ZNF791: variants seen among roughly 807,000 people sequenced by gnomAD.
ZNF791 encodes the protein zinc finger protein 791.
A neutral mutation model predicts 11.5 loss-of-function variants in ZNF791; 4 were observed. That is an observed-to-expected ratio of 0.35 (90% CI 0.17 to 0.80). The LOEUF (loss-of-function observed/expected upper bound fraction) is 0.80. Ranked by LOEUF, ZNF791 falls within the 30% of genes least tolerant of loss-of-function variation. The pLI is 0.53. For synonymous variants in ZNF791, 212 were observed against 228.1 expected, an observed-to-expected ratio of 0.93 and a Z score of 0.64; for missense variants, 559 against 699.4, an observed-to-expected ratio of 0.80 and a Z score of 2.26.
chr19:12,617,000 TA>T (rs1387003731), intron 1 of ZNF791, among the ~76,000 whole-genome samples: 1 of 152,218 alleles, frequency 6.6e-6, no homozygotes, highest in Non-Finnish European at 1.5e-5. Context: ...GATCCATGTA[TA>T]AATTTTTTGT....
At chr19:12,622,684 G>A (rs2023372661) in intron 1 of ZNF791, among the ~76,000 whole-genome samples, 1 of 151,842 alleles carries the variant, frequency 6.6e-6, no homozygotes, top group Non-Finnish European at 1.5e-5. Flanking sequence ...CACGAGGTCG[G>A]GAGTTCAAGA....
In ZNF791 at chr19:12,627,691, C is replaced by T. The variant is rs369221836; in HGVS notation, c.192-30C>T. The T allele has an allele frequency of 1.9e-5, 29 of 1,519,448 alleles. No homozygotes were observed. In the African/African-American group the frequency reaches 3.9e-4, roughly 20 times the overall value. 94.1% of individuals were successfully genotyped at this position (1,519,448 alleles called of 1,614,324 possible). A position where few individuals can be genotyped will look rare whatever the true frequency, so the allele number is the denominator to read the frequency against. Reference sequence around the variant, plus strand: ...ACATATAAAATCATTAATACACAACCAGTATTACCGTGCTTCTAATTTTTT... The same window carrying T: ...ACATATAAAATCATTAATACACAACTAGTATTACCGTGCTTCTAATTTTTT... On this transcript the variant is annotated intron_variant, in intron 3 of 3. Coordinates refer to ENST00000343325, the MANE Select transcript of ZNF791 (RefSeq NM_153358.3).
chr19:12,623,841 A>ATTTTTTC lies in ZNF791; in HGVS notation c.130+29_130+35dup, dbSNP rs765616603. Reference sequence around the variant, plus strand: ...GGCATCTATAGGTAAGGATGACATCATTTTTTCTTTTTTCTTTTTTTTTTT... The same window carrying ATTTTTTC: ...GGCATCTATAGGTAAGGATGACATCATTTTTTCTTTTTTCTTTTTTCTTTTTTTTTTT... On this transcript the variant is annotated intron_variant, in intron 2 of 3. Coordinates refer to ENST00000343325, the MANE Select transcript of ZNF791 (RefSeq NM_153358.3). The ATTTTTTC allele has an allele frequency of 9.2e-7, 1 of 1,084,078 alleles. No individual in the cohort carries two copies. The highest frequency in any genetic ancestry group is 2.6e-5 in the East Asian group (1 of 39,158). 67.2% of individuals were successfully genotyped at this position (1,084,078 alleles called of 1,614,324 possible). A position where few individuals can be genotyped will look rare whatever the true frequency, so the allele number is the denominator to read the frequency against.
Position 12,633,653 on chromosome 19 carries a change from T to C in ZNF791, c.*4393T>C, listed in dbSNP as rs1017118036. 6.6e-6 allele frequency: 1 copy of C among 152,202 alleles called. No individual in the cohort carries two copies. The highest frequency in any genetic ancestry group is 1.5e-5 in the Non-Finnish European group (1 of 68,050). The allele number at this position is 152,202 out of a possible 1,614,324, so 9.4% of individuals were successfully genotyped here. A position where few individuals can be genotyped will look rare whatever the true frequency, so the allele number is the denominator to read the frequency against. ...GTTTGGATTTTCCTTCTAGCCTTCATGTGTGGCCCAAGCATCTATTTCAGA... is the reference window on the plus strand; with the variant it reads ...GTTTGGATTTTCCTTCTAGCCTTCACGTGTGGCCCAAGCATCTATTTCAGA... On this transcript the variant is annotated 3_prime_UTR_variant, in exon 4 of 4. Transcript: ENST00000343325.
chr19:12,629,333 C>A lies in ZNF791; in HGVS notation c.*73C>A. The A allele has an allele frequency of 8.4e-7, 1 of 1,191,074 alleles. No homozygotes were observed. Among genetic ancestry groups the A allele is most frequent in the Non-Finnish European group, 1.1e-6 (1 of 881,308 alleles). The allele number at this position is 1,191,074 out of a possible 1,614,324, so 73.8% of individuals were successfully genotyped here. A position where few individuals can be genotyped will look rare whatever the true frequency, so the allele number is the denominator to read the frequency against. On this transcript the variant is annotated 3_prime_UTR_variant, in exon 4 of 4. Transcript: ENST00000343325. ...ATGCTTTCAAAGTTGTGAAAATTCC[C>A]ACTGAAGAGAGAAATCCTGTCAATG... is the stretch of plus-strand genomic sequence containing the variant.
In ZNF791 at chr19:12,623,664, A is replaced by G. The variant is rs201301304; in HGVS notation, c.4-36A>G. 78 of 1,612,422 alleles carry G rather than the reference A, an allele frequency of 4.8e-5. 1 individual carries two copies. The highest frequency in any genetic ancestry group is 3.3e-4 in the Middle Eastern group (2 of 6,054). On this transcript the variant is annotated intron_variant, in intron 1 of 3. Coordinates refer to ENST00000343325, the MANE Select transcript of ZNF791 (RefSeq NM_153358.3). ...TTGAGGATACCTCTCATCCTTGTCA[A>G]TCTCACCTATTCTCTACTTATATTG...
At position 12,611,075 on chromosome 19, in the gene ZNF791, G is replaced by A. The variant is rs200545355; in HGVS notation, c.-5G>A. On this transcript the variant is annotated 5_prime_UTR_variant, in exon 1 of 4. Transcript: ENST00000343325. ...ACAACACCGGGACACCCGCGAGGCC[G>A]GAAAATGGTGAGTGTGCAGGGCCGG... 4.3e-6 allele frequency: 7 copies of A among 1,614,146 alleles called. No individual in the cohort carries two copies. In the South Asian group the frequency reaches 6.6e-5, roughly 15 times the overall value.
chr19:12,615,092 T>C (rs1373571266), intron 1 of ZNF791, among the ~76,000 whole-genome samples: 1 of 145,144 alleles, frequency 6.9e-6, no homozygotes, highest in East Asian at 2.1e-4. Flanking sequence ...TGATCATTGC[T>C]CACTGCAGCC....
intron 1 of ZNF791, among the ~76,000 whole-genome samples, chr19:12,614,296 C>T (rs901527034): frequency 6.6e-6 from 1 of 152,030 alleles, no homozygotes. Flanking sequence ...TGCAGTGGCA[C>T]GATCTCGGCT....
At chr19:12,624,305 A>G (rs2023396709) in intron 2 of ZNF791, among the ~76,000 whole-genome samples, 1 of 150,660 alleles carries the variant, frequency 6.6e-6, no homozygotes, top group Non-Finnish European at 1.5e-5. Flanking sequence ...GGTGCCCACC[A>G]CCATGCCCGG....
intron 1 of ZNF791, among the ~76,000 whole-genome samples, chr19:12,622,911 G>GA (rs1468507118): frequency 2.3e-5 from 2 of 88,076 alleles, no homozygotes; most frequent in Non-Finnish European, 2.9e-5. Context: ...AAAAAAAAAA[G>GA]AAAGAAAAAA....
chr19:12,627,888 G>C lies in ZNF791; in HGVS notation c.359G>C (p.Arg120Thr). The change falls in exon 4 of 4, where the codon AGG (arginine) becomes ACG (threonine). Residue 120 changes from arginine (R) to threonine (T), a missense_variant. Coordinates refer to ENST00000343325, the MANE Select transcript of ZNF791 (RefSeq NM_153358.3). ...CTCTCATCCCTTACTAGACACATGAGGTCTCACACTGGATACGAGCTATTT... is the reference window on the plus strand; with the variant it reads ...CTCTCATCCCTTACTAGACACATGACGTCTCACACTGGATACGAGCTATTT... ...MRLSSLTRHM[R>T]SHTGYELFEK... 2 of 1,614,112 alleles carry C rather than the reference G, an allele frequency of 1.2e-6. No individual in the cohort carries two copies. The highest frequency in any genetic ancestry group is 1.7e-6 in the Non-Finnish European group (2 of 1,180,038).
chr19:12,631,916 A>C lies in ZNF791; in HGVS notation c.*2656A>C, dbSNP rs1010351795. The stretch of plus-strand genomic sequence containing the variant: ...GTTTTCTCATTAAATCAGTTAGTAA[A>C]ACTTTTCTCTTTCTCTTGATGTCTT... On this transcript the variant is annotated 3_prime_UTR_variant, in exon 4 of 4. Transcript: ENST00000343325. 6.6e-6 allele frequency: 1 copy of C among 151,924 alleles called. No homozygotes were observed. Among genetic ancestry groups the C allele is most frequent in the African/African-American group, 2.4e-5 (1 of 41,340 alleles). The allele number at this position is 151,924 out of a possible 1,614,324, so 9.4% of individuals were successfully genotyped here.
chr19:12,614,782 TG>T (rs1300580193), intron 1 of ZNF791, among the ~76,000 whole-genome samples: 1 of 150,414 alleles, frequency 6.6e-6, no homozygotes, highest in East Asian at 2.0e-4. Context: ...TTAGTAGAGA[TG>T]GGGTTTCTCC....
rs2023147947 is a variant in ZNF791 at position 12,611,066 on chromosome 19, C to T, written c.-14C>T. ...ACCTTAGGGACAACACCGGGACACC[C>T]GCGAGGCCGGAAAATGGTGAGTGTG... On this transcript the variant is annotated 5_prime_UTR_variant, in exon 1 of 4. Transcript: ENST00000343325. The T allele has an allele frequency of 1.9e-6, 3 of 1,614,016 alleles. No homozygotes were observed. Among genetic ancestry groups the T allele is most frequent in the African/African-American group, 1.3e-5 (1 of 74,932 alleles).
Position 12,610,969 on chromosome 19 carries a change from T to C in ZNF791, c.-111T>C. The C allele has an allele frequency of 6.9e-7, 1 of 1,451,200 alleles. No individual in the cohort carries two copies. The highest frequency in any genetic ancestry group is 9.7e-7 in the Non-Finnish European group (1 of 1,035,150). 89.9% of individuals were successfully genotyped at this position (1,451,200 alleles called of 1,614,324 possible). On this transcript the variant is annotated 5_prime_UTR_variant, in exon 1 of 4. Coordinates refer to ENST00000343325, the MANE Select transcript of ZNF791 (RefSeq NM_153358.3). ...ATCGGGTTGTGCTTAGCTTGGGGTC[T>C]CCTGGCCCCTTGACGCGTCAGGTTG...
At chr19:12,614,261 TCTCA>T (rs769749295) in intron 1 of ZNF791, among the ~76,000 whole-genome samples, 1 of 152,046 alleles carries the variant, frequency 6.6e-6, no homozygotes, top group East Asian at 1.9e-4. Context: ...TGAGACCGAG[TCTCA>T]CTCTGTTGCC....
rs540704048 is a variant in ZNF791 at position 12,619,803 on chromosome 19, A to C, written c.4-3897A>C. Among the ~76,000 whole-genome samples the C allele has an allele frequency of 5.3e-5, 8 of 151,262 alleles. No individual in the cohort carries two copies. The South Asian group carries it at 1.5e-3, about 28-fold the overall frequency. The stretch of plus-strand genomic sequence containing the variant: ...TCTTCCTACTCAGTTTGAAGTGGGA[A>C]CTATTTGACATTTATATCCTCATTA... On this transcript the variant is annotated intron_variant, in intron 1 of 3. Coordinates refer to ENST00000343325, the MANE Select transcript of ZNF791 (RefSeq NM_153358.3).
At chr19:12,617,127 CTTTTT>C (rs755839252) in intron 1 of ZNF791, among the ~76,000 whole-genome samples, 1 of 137,068 alleles carries the variant, frequency 7.3e-6, no homozygotes. Context: ...CTTTTTTCTT[CTTTTT>C]TTTTTTTTTT....
Sources: allele counts gnomAD v4.1 joint callset (sites outside exome capture counted in the v4.1 genomes callset), GRCh38; gene constraint gnomAD v4.1.1; transcripts MANE v1.5; gene names NCBI Gene and HGNC (gene_info 2026-07-23, HGNC 2026-07-21).